The following TFCP2 variants were observed in gnomAD, a reference collection of about 807,000 sequenced individuals.
The protein encoded by TFCP2 is transcription factor CP2, also known as alpha-globin transcription factor CP2.
A neutral mutation model predicts 73.4 loss-of-function variants in TFCP2; 33 were observed. The observed-to-expected ratio is 0.45, with a 90% confidence interval of 0.34 to 0.60. The LOEUF is 0.60. TFCP2 is among the 20% of genes least tolerant of loss of function. The pLI, the probability that TFCP2 is intolerant of heterozygous loss-of-function variation, is 0.01. For missense variants in TFCP2, 352 were observed against 604.0 expected (o/e 0.58, Z 4.37); for synonymous variants, 193 against 211.6 (o/e 0.91, Z 0.76).
chr12:51,169,616 G>A (rs773769916), intron 1 of TFCP2, among the ~76,000 whole-genome samples: 4 of 152,154 alleles, frequency 2.6e-5, no homozygotes, highest in Non-Finnish European at 5.9e-5. Flanking sequence ...TCAGCTACTC[G>A]GAAGGCTGAA....
intron 1 of TFCP2, among the ~76,000 whole-genome samples, chr12:51,162,303 A>G (rs2436639): frequency 0.98 from 149,689 of 152,212 alleles, 73,647 homozygotes; most frequent in Middle Eastern, 1. Context: ...AAAATTCGCC[A>G]GGCGTGGTAG....
At chr12:51,128,299 A>T (rs17125410) in intron 1 of TFCP2, among the ~76,000 whole-genome samples, 1,920 of 152,190 alleles carry the variant, frequency 0.013, 43 homozygotes, top group African/African-American at 0.044. Context: ...CAGGACAAGC[A>T]AGACTGAAGA....
chr12:51,142,895 A>C (rs1941221339), intron 1 of TFCP2, among the ~76,000 whole-genome samples: 1 of 152,002 alleles, frequency 6.6e-6, no homozygotes, highest in Admixed American at 6.6e-5. Flanking sequence ...ATGTAGCCAA[A>C]CTCAGTGGTC....
chr12:51,131,440 C>A (rs960251581), intron 1 of TFCP2, among the ~76,000 whole-genome samples: 3 of 151,626 alleles, frequency 2.0e-5, no homozygotes, highest in African/African-American at 7.3e-5. Context: ...ACAGGCCCAT[C>A]GGTATAGTTT....
chr12:51,118,176 G>A (rs149065979), intron 2 of TFCP2, among the ~76,000 whole-genome samples: 42 of 152,290 alleles, frequency 2.8e-4, no homozygotes, highest in African/African-American at 9.9e-4. Flanking sequence ...TATGACATTA[G>A]AACTCAAATC....
Position 51,109,175 on chromosome 12 carries a change from G to C in TFCP2, c.663C>G (p.Asn221Lys). 6.2e-7 allele frequency: 1 copy of C among 1,614,096 alleles called. No individual in the cohort carries two copies. Among genetic ancestry groups the C allele is most frequent in the Non-Finnish European group, 8.5e-7 (1 of 1,180,006 alleles). Residue 221 changes from asparagine to lysine, a missense_variant, in exon 6 of 15, where the codon AAC becomes AAG. Around this residue, in one of 6 missense-constraint regions of TFCP2, gnomAD observed 47 missense variants for 89.1 expected, o/e 0.53. Coordinates refer to ENST00000257915, the MANE Select transcript of TFCP2 (RefSeq NM_005653.5). ...AGTGTAAGTGCTCAGTATATTCCCC[G>C]TTTTCATTCTCCTTGAAGGTATCTA... ...VQIDTFKENE[N>K]GEYTEHLHSA...
At chr12:51,105,600 A>G (rs905908606) in intron 8 of TFCP2, among the ~76,000 whole-genome samples, 1 of 152,164 alleles carries the variant, frequency 6.6e-6, no homozygotes, top group Non-Finnish European at 1.5e-5. Context: ...TTTTCTTTTA[A>G]AAAAAGATCT....
At chr12:51,148,791 G>A (rs1289668380) in intron 1 of TFCP2, among the ~76,000 whole-genome samples, 4 of 151,250 alleles carry the variant, frequency 2.6e-5, no homozygotes, top group African/African-American at 9.7e-5. Flanking sequence ...TTGGAAAGCC[G>A]AGGTGGGCGG....
At chr12:51,114,267 C>T (rs67478184) in intron 4 of TFCP2, among the ~76,000 whole-genome samples, 24,874 of 152,096 alleles carry the variant, frequency 0.16, 2,477 homozygotes, top group East Asian at 0.53. Context: ...CAATCCAATT[C>T]GATAGTGGGC....
At chr12:51,100,826 CCAAAA>C (rs976175178) in intron 11 of TFCP2, among the ~76,000 whole-genome samples, 1 of 152,038 alleles carries the variant, frequency 6.6e-6, no homozygotes, top group African/African-American at 2.4e-5. Flanking sequence ...GAAAAAAACC[CCAAAA>C]CAAAAGCAAA....
chr12:51,157,223 T>A (rs1182155675), intron 1 of TFCP2, among the ~76,000 whole-genome samples: 1 of 152,130 alleles, frequency 6.6e-6, no homozygotes. Context: ...GGTTTCACTA[T>A]GTTGGCCAGG....
chr12:51,104,291 G>T, intron 8 of TFCP2, 88 bp from the exon 9 acceptor site: 1 of 1,165,292 alleles, frequency 8.6e-7, no homozygotes, highest in South Asian at 1.5e-5. Flanking sequence ...TAAATCTCAT[G>T]CTAGAGATTA....
At chr12:51,122,188 T>C (rs547587633) in intron 1 of TFCP2, among the ~76,000 whole-genome samples, 1 of 152,188 alleles carries the variant, frequency 6.6e-6, no homozygotes, top group East Asian at 1.9e-4. Context: ...ACAATGTTAT[T>C]ATTTGAATCC....
chr12:51,112,866 C>CAAAAA (rs11362530), intron 4 of TFCP2, among the ~76,000 whole-genome samples: 1 of 111,586 alleles, frequency 9.0e-6, no homozygotes. Flanking sequence ...GACTCTGTCT[C>CAAAAA]AAAAAAAAAA....
intron 1 of TFCP2, among the ~76,000 whole-genome samples, chr12:51,155,765 G>A (rs1941522249): frequency 6.6e-6 from 1 of 152,346 alleles, no homozygotes; most frequent in African/African-American, 2.4e-5. Flanking sequence ...CTATAGGCCA[G>A]GCGCAGTGGC....
At chr12:51,099,525 A>G in intron 12 of TFCP2, 130 bp downstream of exon 12, 1 of 1,266,726 alleles carries the variant, frequency 7.9e-7, no homozygotes, top group Non-Finnish European at 1.1e-6. Flanking sequence ...GGAACTTAAT[A>G]AATGCTAGTG....
intron 1 of TFCP2, among the ~76,000 whole-genome samples, chr12:51,135,590 A>G (rs1941044903): frequency 6.6e-6 from 1 of 152,206 alleles, no homozygotes; most frequent in South Asian, 2.1e-4. Flanking sequence ...GTGGCTCTCA[A>G]TCTTAGCAGC....
rs199641046 is a variant in TFCP2, at chr12:51,096,088, C to G, written c.1420-48G>C. Reference sequence around the variant, plus strand: ...TGATTATTTAAATGAAAAACAACCCCTTTATATTCCTGTGTCCCTAAGGAC... The same window carrying G: ...TGATTATTTAAATGAAAAACAACCCGTTTATATTCCTGTGTCCCTAAGGAC... On this transcript the variant is annotated intron_variant, in intron 13 of 14. Coordinates refer to ENST00000257915, the MANE Select transcript of TFCP2 (RefSeq NM_005653.5). 63 of 1,507,094 alleles carry G rather than the reference C, an allele frequency of 4.2e-5. No individual in the cohort carries two copies. In the African/African-American group the frequency reaches 8.2e-4, roughly 20 times the overall value. 93.4% of individuals were successfully genotyped at this position (1,507,094 alleles called of 1,614,324 possible).
intron 1 of TFCP2, among the ~76,000 whole-genome samples, chr12:51,143,899 A>T (rs563021691): frequency 6.6e-6 from 1 of 152,322 alleles, no homozygotes; most frequent in Admixed American, 6.5e-5. Context: ...GATAAGACCT[A>T]AATAGAGGGT....
Sources: gnomAD v4.1 joint callset for allele counts (sites outside exome capture counted in the v4.1 genomes callset) on GRCh38, gnomAD v4.1.1 for gene constraint, gnomAD v4.1.1 regional missense constraint, MANE v1.5 for transcripts, NCBI Gene and HGNC (gene_info 2026-07-23, HGNC 2026-07-21) for gene names.